The following DUSP26 variants were observed in gnomAD, a reference collection of about 807,000 sequenced individuals.
DUSP26 encodes dual specificity phosphatase 26.
Under a neutral mutation model 20.0 loss-of-function variants are expected in DUSP26, and 12 were observed. The ratio of observed to expected loss-of-function variants is 0.60; its 90% CI spans 0.38 to 0.97. The LOEUF (loss-of-function observed/expected upper bound fraction) is 0.97, where lower values mean the gene tolerates loss of function less well. DUSP26 is among the 50% of genes least tolerant of loss of function. The pLI is 0.00. For missense variants in DUSP26, 230 were observed against 294.0 expected, an observed-to-expected ratio of 0.78 and a Z score of 1.59; for synonymous variants, 120 against 118.8, an observed-to-expected ratio of 1.01 and a Z score of -0.06.
intron 2 of DUSP26, 41 bp downstream of exon 2, chr8:33,597,250 AACAC>A: frequency 6.5e-7 from 1 of 1,532,684 alleles, no homozygotes. Context: ...TACACACACA[AACAC>A]ACACACGCTC....
chr8:33,597,461 G>A lies in DUSP26; in HGVS notation c.55C>T (p.Arg19Trp), dbSNP rs114901124. 5.1e-5 allele frequency: 82 copies of A among 1,614,054 alleles called. No individual in the cohort carries two copies. The highest frequency in any genetic ancestry group is 2.0e-4 in the Admixed American group (12 of 60,000). ...ASMTFMARFS[R>W]SSSRSPVRTR... Reference sequence around the variant, plus strand: ...CGAACAGGAGACCTTGAGCTACTCCGGGAGAAGCGGGCCATAAAAGTCATA... The same window carrying A: ...CGAACAGGAGACCTTGAGCTACTCCAGGAGAAGCGGGCCATAAAAGTCATA... Residue 19 changes from arginine to tryptophan, a missense_variant, in exon 2 of 4, where the codon CGG (arginine) becomes TGG (tryptophan). Coordinates refer to ENST00000256261, the MANE Select transcript of DUSP26 (RefSeq NM_024025.3).
At chr8:33,597,648 T>G in intron 1 of DUSP26, 57 bp from the exon 2 acceptor site, 1 of 704,236 alleles carries the variant, frequency 1.4e-6, no homozygotes, top group Non-Finnish European at 2.3e-6. Context: ...GCTGCTTCCC[T>G]TCCCTGGGCT....
intron 2 of DUSP26, among the ~76,000 whole-genome samples, chr8:33,596,305 C>T (rs1397060853): frequency 2.0e-5 from 3 of 151,378 alleles, no homozygotes; most frequent in East Asian, 1.9e-4. Flanking sequence ...ATGCTGGGCA[C>T]GGTGGCTCAC....
intron 2 of DUSP26, 22 bp from the exon 3 acceptor site, chr8:33,593,769 G>A (rs1585377404): frequency 6.2e-7 from 1 of 1,606,816 alleles, no homozygotes; most frequent in East Asian, 2.2e-5. Context: ...AGAGGTTAGA[G>A]GAAGGGTGGG....
chr8:33,593,670 C>T lies in DUSP26; in HGVS notation c.299G>A (p.Arg100Gln), dbSNP rs141858173. The T allele has an allele frequency of 2.5e-5, 41 of 1,614,048 alleles. No homozygotes were observed. The highest frequency in any genetic ancestry group is 5.0e-5 in the Admixed American group (3 of 59,996). The part of the protein sequence containing the change: ...HVLNASHSRW[R>Q]GTPEAYEGLG... ...CCCCTCATAGGCCTCGGGCGTGCCTCGCCACCGGCTGTGTGAGGCATTGAG... is the reference window on the plus strand; with the variant it reads ...CCCCTCATAGGCCTCGGGCGTGCCTTGCCACCGGCTGTGTGAGGCATTGAG... Residue 100 changes from arginine (R) to glutamine (Q), a missense_variant, in exon 3 of 4, where the codon CGA becomes CAA. By Grantham distance (43) the Arg-to-Gln change is conservative. Transcript: ENST00000256261.
chr8:33,592,538 CAAA>C (rs745687703), intron 3 of DUSP26, among the ~76,000 whole-genome samples: 18 of 23,768 alleles, frequency 7.6e-4, no homozygotes, highest in African/African-American at 2.4e-3. Flanking sequence ...AACCCCATCT[CAAA>C]AAAAAAAAAA....
chr8:33,593,867 C>T lies in DUSP26; in HGVS notation c.222-120G>A, dbSNP rs990688946. 5.0e-5 allele frequency: 59 copies of T among 1,171,806 alleles called. 2 individuals carry two copies. The South Asian group carries it at 6.6e-4, about 13-fold the overall frequency. 72.6% of individuals were successfully genotyped at this position (1,171,806 alleles called of 1,614,324 possible). A position where few individuals can be genotyped will look rare whatever the true frequency, so the allele number is the denominator to read the frequency against. On this transcript the variant is annotated intron_variant, in intron 2 of 3. Coordinates refer to ENST00000256261, the MANE Select transcript of DUSP26 (RefSeq NM_024025.3). ...TTGATTTTTTTTTGAGATGGAGTCTCGCTCTGTTTCCTAGGCCAGAGTGCT... is the reference window on the plus strand; with the variant it reads ...TTGATTTTTTTTTGAGATGGAGTCTTGCTCTGTTTCCTAGGCCAGAGTGCT...
intron 1 of DUSP26, among the ~76,000 whole-genome samples, chr8:33,598,025 T>C (rs1811192170): frequency 6.6e-6 from 1 of 152,010 alleles, no homozygotes; most frequent in Non-Finnish European, 1.5e-5. Context: ...TGGGGGTACC[T>C]TTAGACCCAT....
intron 1 of DUSP26, chr8:33,597,879 G>GCAAACACACACACACACACACA: frequency 1.2e-5 from 1 of 85,710 alleles, no homozygotes; most frequent in Non-Finnish European, 2.1e-5. Context: ...CTGCCAGCAC[G>GCAAACACACACACACACACACA]CATACACACA....
Position 33,593,727 on chromosome 8 carries a change from C to G in DUSP26, c.242G>C (p.Arg81Pro). ...LGDQDMANNRRELRRLGITHV... is the reference protein window; with the variant it reads ...LGDQDMANNRPELRRLGITHV... ...CGTGATGCCCAGGCGGCGAAGCTCCCGGCGGTTGTTAGCCATGTCCCTGCA... is the reference window on the plus strand; with the variant it reads ...CGTGATGCCCAGGCGGCGAAGCTCCGGGCGGTTGTTAGCCATGTCCCTGCA... The change falls in exon 3 of 4, where the codon CGG (arginine) becomes CCG (proline). Residue 81 changes from arginine to proline, a missense_variant. Physicochemically the swap from Arg to Pro is moderately radical, Grantham distance 103 (BLOSUM62 -2). Transcript: ENST00000256261. 1 of 1,614,152 alleles carries G rather than the reference C, an allele frequency of 6.2e-7. No individual in the cohort carries two copies. The highest frequency in any genetic ancestry group is 8.5e-7 in the Non-Finnish European group (1 of 1,180,028).
At chr8:33,597,216 C>T (rs1443710771) in intron 2 of DUSP26, 79 bp downstream of exon 2, 3 of 1,372,068 alleles carry the variant, frequency 2.2e-6, no homozygotes, top group East Asian at 2.5e-5. Flanking sequence ...CACTGCATAC[C>T]TGTCTGCCAC....
At chr8:33,598,989 A>G (rs1490474517) in intron 1 of DUSP26, among the ~76,000 whole-genome samples, 1 of 152,218 alleles carries the variant, frequency 6.6e-6, no homozygotes, top group Non-Finnish European at 1.5e-5. Context: ...CCAAGCACTT[A>G]CAAGGCATTA....
intron 1 of DUSP26, among the ~76,000 whole-genome samples, chr8:33,598,133 C>G (rs944680033): frequency 2.0e-5 from 3 of 152,104 alleles, no homozygotes; most frequent in Non-Finnish European, 2.9e-5. Flanking sequence ...CCCTTCGTGA[C>G]CTGCCACTGC....
rs1811030947 is a variant in DUSP26 at position 33,591,996 on chromosome 8, C to A, written c.*17G>T. 2 of 1,611,992 alleles carry A rather than the reference C, an allele frequency of 1.2e-6. No individual in the cohort carries two copies. On this transcript the variant is annotated 3_prime_UTR_variant, in exon 4 of 4. Coordinates refer to ENST00000256261, the MANE Select transcript of DUSP26 (RefSeq NM_024025.3). ...GGACCTACCCACGGGCCTGGCCTGA[C>A]CTCTCTCCCCCTCCCCTCATGCTTC...
chr8:33,597,168 C>A, intron 2 of DUSP26, 127 bp downstream of exon 2: 1 of 941,512 alleles, frequency 1.1e-6, no homozygotes, highest in Non-Finnish European at 1.6e-6. Context: ...GGCCCATGTG[C>A]CCTATCCCCT....
Position 33,593,676 on chromosome 8 carries a change from C to T in DUSP26, c.293G>A (p.Arg98Gln), listed in dbSNP as rs778932566. 8.1e-6 allele frequency: 13 copies of T among 1,614,084 alleles called. No individual in the cohort carries two copies. The highest frequency in any genetic ancestry group is 2.7e-5 in the African/African-American group (2 of 74,946). Residue 98 changes from arginine (R) to glutamine (Q), a missense_variant, in exon 3 of 4, where the codon CGG (arginine) becomes CAG (glutamine). Physicochemically the swap from Arg to Gln is conservative, Grantham distance 43 (BLOSUM62 1). Coordinates refer to ENST00000256261, the MANE Select transcript of DUSP26 (RefSeq NM_024025.3). Reference sequence around the variant, plus strand: ...ATAGGCCTCGGGCGTGCCTCGCCACCGGCTGTGTGAGGCATTGAGGACGTG... The same window carrying T: ...ATAGGCCTCGGGCGTGCCTCGCCACTGGCTGTGTGAGGCATTGAGGACGTG... ...ITHVLNASHS[R>Q]WRGTPEAYEG...
rs201566430 is a variant in DUSP26 at position 33,593,656 on chromosome 8, C to T, written c.313G>A (p.Ala105Thr). Residue 105 changes from alanine to threonine, a missense_variant, in exon 3 of 4, where the codon GCC becomes ACC. By Grantham distance (58) the Ala-to-Thr change is moderately conservative. Transcript: ENST00000256261. ...TAGCGGATGCCCAGCCCCTCATAGG[C>T]CTCGGGCGTGCCTCGCCACCGGCTG... ...SHSRWRGTPE[A>T]YEGLGIRYLG... The T allele has an allele frequency of 4.3e-6, 7 of 1,614,168 alleles. No individual in the cohort carries two copies. The East Asian group carries it at 1.6e-4, about 36-fold the overall frequency.
In DUSP26 at chr8:33,591,396, A is replaced by T. The variant is rs1260401128; in HGVS notation, c.*617T>A. The T allele has an allele frequency of 1.3e-5, 2 of 152,600 alleles. No homozygotes were observed. Among genetic ancestry groups the T allele is most frequent in the African/African-American group, 4.8e-5 (2 of 41,438 alleles). 9.5% of individuals were successfully genotyped at this position (152,600 alleles called of 1,614,324 possible). ...CCAGTAAGCGAGTGACAATTTCAAG[A>T]CTGCCAGCCATGCACCTCTGTATGT... On this transcript the variant is annotated 3_prime_UTR_variant, in exon 4 of 4. Coordinates refer to ENST00000256261, the MANE Select transcript of DUSP26 (RefSeq NM_024025.3).
At chr8:33,592,306 C>T in intron 3 of DUSP26, 94 bp from the exon 4 acceptor site, 2 of 1,268,322 alleles carry the variant, frequency 1.6e-6, no homozygotes, top group Non-Finnish European at 2.1e-6. Flanking sequence ...CATGGTGGCT[C>T]ACGGCGGTAA....
Sources: gnomAD v4.1 joint callset for allele counts (sites outside exome capture counted in the v4.1 genomes callset) on GRCh38, gnomAD v4.1.1 for gene constraint, MANE v1.5 for transcripts, NCBI Gene and HGNC (gene_info 2026-07-23, HGNC 2026-07-21) for gene names.